MARK2: variants seen among roughly 807,000 people sequenced by gnomAD.
The protein encoded by MARK2 is serine/threonine-protein kinase MARK2.
In MARK2, 16 loss-of-function variants were observed where a neutral mutation model predicts 89.8. That is an observed-to-expected ratio of 0.18 (90% CI 0.12 to 0.27). The LOEUF (loss-of-function observed/expected upper bound fraction) is 0.27. Ranked by LOEUF, MARK2 falls within the 10% of genes least tolerant of loss-of-function variation. MARK2 has a pLI of 1.00. For synonymous variants in MARK2, 382 were observed against 399.5 expected, an observed-to-expected ratio of 0.96 and a Z score of 0.52; for missense variants, 621 against 1,049.9, an observed-to-expected ratio of 0.59 and a Z score of 5.65.
chr11:63,899,838 A>G (rs752177202), intron 7 of MARK2, 36 bp from the exon 8 acceptor site: 2 of 1,434,328 alleles, frequency 1.4e-6, no homozygotes, highest in Non-Finnish European at 2.0e-6. Context: ...AGTCTGGTCC[A>G]CTTGGTTCCC....
In MARK2 at chr11:63,869,163, A is replaced by G. The variant is rs181283817; in HGVS notation, c.55-25996A>G. On this transcript the variant is annotated intron_variant, in intron 1 of 18. Coordinates refer to ENST00000402010, the MANE Select transcript of MARK2 (RefSeq NM_001039469.3). ...CCAGCTGTGTGGGGTGGTGGAAATA[A>G]GGACCTGTTAAACTGGTCTGCCTGT... The G allele has an allele frequency of 1.3e-3, 363 of 279,172 alleles. 10 individuals are homozygous for G. In the Admixed American group the frequency reaches 0.016, roughly 12 times the overall value. 17.3% of individuals were successfully genotyped at this position (279,172 alleles called of 1,614,324 possible).
intron 1 of MARK2, among the ~76,000 whole-genome samples, chr11:63,887,357 T>A (rs1590634372): frequency 6.6e-6 from 1 of 152,218 alleles, no homozygotes; most frequent in African/African-American, 2.4e-5. Flanking sequence ...AACCTCTGAA[T>A]GCCAATTTCT....
intron 1 of MARK2, among the ~76,000 whole-genome samples, chr11:63,844,814 C>T (rs540069430): frequency 2.6e-5 from 4 of 152,320 alleles, no homozygotes; most frequent in African/African-American, 9.6e-5. Flanking sequence ...GGCATTTGAT[C>T]AGGACTAACC....
intron 1 of MARK2, chr11:63,868,571 C>G (rs565509588): frequency 6.1e-6 from 2 of 330,384 alleles, no homozygotes; most frequent in African/African-American, 4.3e-5. Flanking sequence ...GTTAAGAACT[C>G]GGAGAGGAAA....
chr11:63,869,783 T>C (rs1015869037), intron 1 of MARK2, among the ~76,000 whole-genome samples: 6 of 152,196 alleles, frequency 3.9e-5, no homozygotes, highest in African/African-American at 1.4e-4. Flanking sequence ...TTTAGGCAGG[T>C]TGTCTTGACA....
At chr11:63,845,714 T>C (rs1456838207) in intron 1 of MARK2, among the ~76,000 whole-genome samples, 1 of 152,108 alleles carries the variant, frequency 6.6e-6, no homozygotes. Context: ...TTATAGGCCA[T>C]TGAAGGTCAT....
At position 63,909,355 on chromosome 11, in the gene MARK2, T is replaced by C; in HGVS notation, c.*118T>C. 1.8e-6 allele frequency: 2 copies of C among 1,091,326 alleles called. No homozygotes were observed. The highest frequency in any genetic ancestry group is 2.5e-6 in the Non-Finnish European group (2 of 793,990). The allele number at this position is 1,091,326 out of a possible 1,614,324, so 67.6% of individuals were successfully genotyped here. A position where few individuals can be genotyped will look rare whatever the true frequency, so the allele number is the denominator to read the frequency against. On this transcript the variant is annotated 3_prime_UTR_variant, in exon 19 of 19. Coordinates refer to ENST00000402010, the MANE Select transcript of MARK2 (RefSeq NM_001039469.3). The stretch of plus-strand genomic sequence containing the variant: ...ATTGGTGTGTCTCCCCTGCTGGCAC[T>C]TCTCCCCTCCCTGGCCCTTCTCAGT...
chr11:63,904,507 G>A lies in MARK2; in HGVS notation c.1677-279G>A, dbSNP rs75256339. 1.2e-3 allele frequency among the ~76,000 whole-genome samples: 178 copies of A among 152,088 alleles called. No homozygotes were observed. Among genetic ancestry groups the A allele is most frequent in the African/African-American group, 4.2e-3 (175 of 41,462 alleles). On this transcript the variant is annotated intron_variant, in intron 15 of 18. Transcript: ENST00000402010. The surrounding 1 kb of genome is among the most constrained non-coding windows in gnomAD (Gnocchi z 6.3). Reference sequence around the variant, plus strand: ...GCCGCCTTGAGGGTCCAGTCTGCCCGGCTCCCAGGGAGCCCGCTGTCTCCA... The same window carrying A: ...GCCGCCTTGAGGGTCCAGTCTGCCCAGCTCCCAGGGAGCCCGCTGTCTCCA...
At chr11:63,890,652 G>A (rs577157219) in intron 1 of MARK2, among the ~76,000 whole-genome samples, 1 of 152,216 alleles carries the variant, frequency 6.6e-6, no homozygotes, top group Non-Finnish European at 1.5e-5. Flanking sequence ...AGCATCTCTT[G>A]TCAGCCTTCA....
chr11:63,902,091 TG>T lies in MARK2; in HGVS notation c.1102-103del. 1 of 1,234,910 alleles carries T rather than the reference TG, an allele frequency of 8.1e-7. No individual in the cohort carries two copies. 76.5% of individuals were successfully genotyped at this position (1,234,910 alleles called of 1,614,324 possible). ...TACAAGTGGATGTCCGGTATGATCC[TG>T]GGGTGTTTGAGTGTTGGGAGAGGGC... On this transcript the variant is annotated intron_variant, in intron 11 of 18. Coordinates refer to ENST00000402010, the MANE Select transcript of MARK2 (RefSeq NM_001039469.3). The surrounding 1 kb of genome is among the most constrained non-coding windows in gnomAD (Gnocchi z 4.2).
intron 1 of MARK2, among the ~76,000 whole-genome samples, chr11:63,840,527 T>C (rs1177238505): frequency 1.3e-5 from 2 of 152,182 alleles, no homozygotes; most frequent in African/African-American, 4.8e-5. Context: ...AGTTTTTGCC[T>C]TTCTGTCTTC....
intron 17 of MARK2, among the ~76,000 whole-genome samples, chr11:63,907,085 A>C (rs1941402391): frequency 6.6e-6 from 1 of 152,036 alleles, no homozygotes; most frequent in Admixed American, 6.6e-5. Flanking sequence ...TCGGGGACCA[A>C]ATACCAAGCT....
chr11:63,903,219 C>T lies in MARK2; in HGVS notation c.1514+61C>T. ...GGAGCCATGTCTCACAGGGTGATGTCTGTCAGCAGCACCGTCTCCTGTCCC... is the reference window on the plus strand; with the variant it reads ...GGAGCCATGTCTCACAGGGTGATGTTTGTCAGCAGCACCGTCTCCTGTCCC... On this transcript the variant is annotated intron_variant, in intron 14 of 18. Coordinates refer to ENST00000402010, the MANE Select transcript of MARK2 (RefSeq NM_001039469.3). The surrounding 1 kb of genome is among the most constrained non-coding windows in gnomAD (Gnocchi z 5.1). 1 of 1,261,182 alleles carries T rather than the reference C, an allele frequency of 7.9e-7. No individual in the cohort carries two copies. The highest frequency in any genetic ancestry group is 1.2e-6 in the Non-Finnish European group (1 of 866,538). 78.1% of individuals were successfully genotyped at this position (1,261,182 alleles called of 1,614,324 possible).
intron 1 of MARK2, among the ~76,000 whole-genome samples, chr11:63,884,888 A>C (rs1341322478): frequency 1.3e-5 from 2 of 152,052 alleles, no homozygotes; most frequent in African/African-American, 2.4e-5. Flanking sequence ...AAAACAAAGG[A>C]CTCCAACTCC....
intron 1 of MARK2, among the ~76,000 whole-genome samples, chr11:63,847,962 GTC>G: frequency 6.6e-6 from 1 of 152,178 alleles, no homozygotes; most frequent in Non-Finnish European, 1.5e-5. Flanking sequence ...CAATGGGACT[GTC>G]TGTCCAGGCC....
intron 1 of MARK2, among the ~76,000 whole-genome samples, chr11:63,877,744 A>C (rs1938852936): frequency 6.6e-6 from 1 of 152,296 alleles, no homozygotes; most frequent in East Asian, 1.9e-4. Flanking sequence ...AATGGCTGTC[A>C]TCTGGTTTGC....
At chr11:63,892,391 C>T (rs2135317646) in intron 1 of MARK2, among the ~76,000 whole-genome samples, 1 of 152,210 alleles carries the variant, frequency 6.6e-6, no homozygotes, top group East Asian at 1.9e-4. Context: ...GTCGTTTCTG[C>T]CTGAAAAGCA....
intron 1 of MARK2, among the ~76,000 whole-genome samples, chr11:63,875,471 C>G (rs935497196): frequency 6.6e-6 from 1 of 152,098 alleles, no homozygotes; most frequent in Non-Finnish European, 1.5e-5. Flanking sequence ...AGGCTGGTCT[C>G]GAACTCCTTG....
Position 63,904,277 on chromosome 11 carries a change from G to C in MARK2, c.1676+130G>C. 1.3e-6 allele frequency: 1 copy of C among 775,748 alleles called. No individual in the cohort carries two copies. The highest frequency in any genetic ancestry group is 2.0e-6 in the Non-Finnish European group (1 of 505,562). 48.1% of individuals were successfully genotyped at this position (775,748 alleles called of 1,614,324 possible). A position where few individuals can be genotyped will look rare whatever the true frequency, so the allele number is the denominator to read the frequency against. ...CATCTTAGCCACAAGAAATGGGTCT[G>C]TCCCCTGCGGCCAGGAAGTGGAGGG... On this transcript the variant is annotated intron_variant, in intron 15 of 18. Coordinates refer to ENST00000402010, the MANE Select transcript of MARK2 (RefSeq NM_001039469.3). This position sits in a 1 kb window ranked among gnomAD's most constrained non-coding sequence, Gnocchi z 6.3.
Sources: gnomAD v4.1 joint callset for allele counts (sites outside exome capture counted in the v4.1 genomes callset) on GRCh38, gnomAD v4.1.1 for gene constraint, Gnocchi (gnomAD v3.1) non-coding constraint, MANE v1.5 for transcripts, NCBI Gene and HGNC (gene_info 2026-07-23, HGNC 2026-07-21) for gene names.